Variants in STXBP5 observed in about 807,000 individuals in gnomAD.
The protein encoded by STXBP5 is syntaxin binding protein 5, also known as syntaxin-binding protein 5.
In STXBP5, 50 loss-of-function variants were observed where a neutral mutation model predicts 152.4. The ratio of observed to expected loss-of-function variants is 0.33; its 90% CI spans 0.26 to 0.42. The LOEUF is 0.42. Among genes scored for constraint, STXBP5 ranks in the 10% least tolerant of loss-of-function variants. The probability of loss-of-function intolerance (pLI) is 1.00; values close to 1 mark genes in which losing one functional copy is unlikely to be tolerated. For synonymous variants in STXBP5, 492 were observed against 494.7 expected, an observed-to-expected ratio of 0.99 and a Z score of 0.07; for missense variants, 1,167 against 1,388.6, an observed-to-expected ratio of 0.84 and a Z score of 2.54.
intron 2 of STXBP5, among the ~76,000 whole-genome samples, chr6:147,213,461 T>TGTGTGTGTGC (rs1257887263): frequency 1.0e-4 from 15 of 144,236 alleles, no homozygotes; most frequent in Non-Finnish European, 2.0e-4. Context: ...TGTGTGTGTG[T>TGTGTGTGTGC]GTGTGTGTGT....
At chr6:147,353,552 AC>A (rs1251996011) in intron 22 of STXBP5, among the ~76,000 whole-genome samples, 179 bp downstream of exon 22, 1 of 152,164 alleles carries the variant, frequency 6.6e-6, no homozygotes, top group African/African-American at 2.4e-5. Flanking sequence ...ATTTAAAATG[AC>A]AATTATAATA....
intron 2 of STXBP5, among the ~76,000 whole-genome samples, chr6:147,228,115 G>T (rs1363701722): frequency 6.6e-6 from 1 of 151,872 alleles, no homozygotes; most frequent in African/African-American, 2.4e-5. Context: ...TGAATTCAGT[G>T]TTTATTAGAT....
chr6:147,327,852 A>T (rs528040514), intron 18 of STXBP5, among the ~76,000 whole-genome samples: 332 of 152,342 alleles, frequency 2.2e-3, no homozygotes, highest in African/African-American at 7.4e-3. Context: ...TTATTATATA[A>T]AAAAAGTTAC....
At chr6:147,349,424 G>A (rs2128404552) in intron 21 of STXBP5, among the ~76,000 whole-genome samples, 1 of 152,308 alleles carries the variant, frequency 6.6e-6, no homozygotes, top group South Asian at 2.1e-4. Context: ...TTGAGTTACA[G>A]AGGTGTATAT....
intron 8 of STXBP5, among the ~76,000 whole-genome samples, chr6:147,280,171 T>A (rs1780635395): frequency 6.6e-6 from 1 of 152,136 alleles, no homozygotes; most frequent in Non-Finnish European, 1.5e-5. Flanking sequence ...TTCTCGAAAC[T>A]GGAACAGTTC....
At position 147,310,194 on chromosome 6, in the gene STXBP5, C is replaced by T. The variant is rs745843611; in HGVS notation, c.1028C>T (p.Ser343Leu). 14 of 1,596,830 alleles carry T rather than the reference C, an allele frequency of 8.8e-6. No homozygotes were observed. Among genetic ancestry groups the T allele is most frequent in the Non-Finnish European group, 1.2e-5 (14 of 1,174,932 alleles). The change falls in exon 10 of 28, where the codon TCA becomes TTA. Residue 343 changes from serine (S) to leucine (L), a missense_variant. Ser to Leu is a moderately radical substitution (Grantham distance 145, BLOSUM62 -2). Coordinates refer to ENST00000321680, the MANE Select transcript of STXBP5 (RefSeq NM_001127715.4). ...KSTAVLEMDY[S>L]IVDFLTLCET... ...ACTGCTGTGCTAGAAATGGACTATT[C>T]AATTGTTGATTTTCTAACGCTGTGT...
chr6:147,351,640 CT>C (rs1198561096), intron 21 of STXBP5, among the ~76,000 whole-genome samples: 3 of 152,054 alleles, frequency 2.0e-5, no homozygotes, highest in African/African-American at 7.2e-5. Context: ...ATTGCATTTT[CT>C]TTTTTAACTG....
intron 6 of STXBP5, among the ~76,000 whole-genome samples, chr6:147,265,008 C>T (rs1470438810): frequency 1.3e-5 from 2 of 152,060 alleles, no homozygotes; most frequent in Non-Finnish European, 2.9e-5. Flanking sequence ...ACTCAGGTTA[C>T]TTAGGTCCTA....
intron 6 of STXBP5, among the ~76,000 whole-genome samples, chr6:147,265,910 TA>T (rs551469232): frequency 4.3e-4 from 63 of 145,504 alleles, no homozygotes; most frequent in Admixed American, 6.9e-4. Context: ...TCCTTCGAAT[TA>T]AAAAAAAAAA....
At chr6:147,227,939 T>G (rs1249572412) in intron 2 of STXBP5, among the ~76,000 whole-genome samples, 2 of 152,184 alleles carry the variant, frequency 1.3e-5, no homozygotes, top group Non-Finnish European at 2.9e-5. Context: ...CATCTCATGC[T>G]TAAATGCCTC....
intron 27 of STXBP5, among the ~76,000 whole-genome samples, chr6:147,384,097 C>T (rs1786226700): frequency 6.6e-6 from 1 of 152,094 alleles, no homozygotes; most frequent in Non-Finnish European, 1.5e-5. Flanking sequence ...TTCCCTTCTA[C>T]CAGTTGTTCT....
chr6:147,248,266 G>C (rs1778910233), intron 4 of STXBP5, among the ~76,000 whole-genome samples: 1 of 144,766 alleles, frequency 6.9e-6, no homozygotes, highest in African/African-American at 2.6e-5. Context: ...GGGCGGCAAA[G>C]TGAGACTCCA....
intron 17 of STXBP5, among the ~76,000 whole-genome samples, chr6:147,325,537 TATTC>T (rs1333823416): frequency 6.6e-6 from 1 of 152,236 alleles, no homozygotes; most frequent in Non-Finnish European, 1.5e-5. Context: ...CAATAATTAA[TATTC>T]ATTTATACTG....
At chr6:147,248,002 CGGTGG>C (rs148629423) in intron 4 of STXBP5, among the ~76,000 whole-genome samples, 10,374 of 152,038 alleles carry the variant, frequency 0.068, 469 homozygotes, top group African/African-American at 0.12. Flanking sequence ...CAGCTGGGTG[CGGTGG>C]GGTGGCTTAA....
At chr6:147,308,111 C>G (rs1263404328) in intron 9 of STXBP5, among the ~76,000 whole-genome samples, 5 of 152,158 alleles carry the variant, frequency 3.3e-5, no homozygotes, top group African/African-American at 1.2e-4. Context: ...AAAAATTTAA[C>G]AAGTGTTAGT....
chr6:147,351,865 T>G, intron 21 of STXBP5: 1 of 985,234 alleles, frequency 1.0e-6, no homozygotes, highest in Non-Finnish European at 1.2e-6. Flanking sequence ...GATTTCTCTT[T>G]GTTTACATGG....
intron 25 of STXBP5, 96 bp downstream of exon 25, chr6:147,364,262 A>G: frequency 1.8e-6 from 2 of 1,122,510 alleles, no homozygotes; most frequent in Non-Finnish European, 2.4e-6. Flanking sequence ...GAACTATACA[A>G]GTGAGCCTGC....
At chr6:147,310,385 T>C (rs901371518) in intron 10 of STXBP5, 147 bp downstream of exon 10, 8 of 581,856 alleles carry the variant, frequency 1.4e-5, no homozygotes, top group Admixed American at 4.2e-5. Context: ...CTACAAACTT[T>C]ATTTCAGAAG....
intron 2 of STXBP5, among the ~76,000 whole-genome samples, chr6:147,222,918 C>T (rs1014087712): frequency 2.6e-5 from 4 of 152,188 alleles, no homozygotes; most frequent in East Asian, 1.9e-4. Flanking sequence ...CTTCCTTACC[C>T]GGACACAGGT....
Sources: gnomAD v4.1 joint callset for allele counts (sites outside exome capture counted in the v4.1 genomes callset) on GRCh38, gnomAD v4.1.1 for gene constraint, MANE v1.5 for transcripts, NCBI Gene and HGNC (gene_info 2026-07-23, HGNC 2026-07-21) for gene names.